Variants in DNAAF5 observed in about 807,000 individuals in gnomAD.
DNAAF5 encodes the protein HEAT repeat containing 2.
DNAAF5 carries 64 observed loss-of-function variants against 75.8 expected under a neutral mutation model. The ratio of observed to expected loss-of-function variants is 0.84; its 90% CI spans 0.69 to 1.04. The LOEUF (loss-of-function observed/expected upper bound fraction) is 1.04, where lower values mean the gene tolerates loss of function less well. Ranked by LOEUF, DNAAF5 falls within the 50% of genes least tolerant of loss-of-function variation. The pLI is 0.00. For synonymous variants in DNAAF5, 657 were observed against 557.2 expected (o/e 1.18, Z -2.52); for missense variants, 1,269 against 1,178.5 (o/e 1.08, Z -1.12).
chr7:741,833 G>A (rs1014811836), intron 4 of DNAAF5, among the ~76,000 whole-genome samples: 1 of 152,232 alleles, frequency 6.6e-6, no homozygotes, highest in Non-Finnish European at 1.5e-5. Context: ...TCTGCTGGTG[G>A]TTGGGGGGTG....
At chr7:784,027 TCC>T (rs1779069163) in intron 12 of DNAAF5, among the ~76,000 whole-genome samples, 2 of 13,900 alleles carry the variant, frequency 1.4e-4, no homozygotes, top group South Asian at 4.5e-3. Context: ...CGCCCCCACC[TCC>T]CCCACCTCCC....
At chr7:775,292 A>G in intron 11 of DNAAF5, 130 bp downstream of exon 11, 1 of 832,770 alleles carries the variant, frequency 1.2e-6, no homozygotes, top group Non-Finnish European at 1.9e-6. Flanking sequence ...GGTGGTTCAC[A>G]CCTTTAATTC....
Position 741,482 on chromosome 7 carries a change from G to T in DNAAF5, c.1024+17G>T. Reference sequence around the variant, plus strand: ...CTCCACATGGTGAGTGACCGCGGCAGAGGGGAGCGCCAGGAGGCGAGCCCT... The same window carrying T: ...CTCCACATGGTGAGTGACCGCGGCATAGGGGAGCGCCAGGAGGCGAGCCCT... On this transcript the variant is annotated intron_variant, in intron 4 of 12. Coordinates refer to ENST00000297440, the MANE Select transcript of DNAAF5 (RefSeq NM_017802.4). 7.3e-7 allele frequency: 1 copy of T among 1,374,092 alleles called. No homozygotes were observed. 85.1% of individuals were successfully genotyped at this position (1,374,092 alleles called of 1,614,324 possible).
intron 8 of DNAAF5, among the ~76,000 whole-genome samples, chr7:766,161 C>T (rs1181120715): frequency 6.6e-6 from 1 of 152,226 alleles, no homozygotes; most frequent in Non-Finnish European, 1.5e-5. Context: ...TGATTATGTT[C>T]TCTGAGCCCC....
chr7:732,904 T>C (rs1781630364), intron 2 of DNAAF5, among the ~76,000 whole-genome samples: 5 of 152,220 alleles, frequency 3.3e-5, no homozygotes, highest in Admixed American at 2.0e-4. Flanking sequence ...AGTGGTTTCA[T>C]AGTTTGAGGT....
chr7:768,662 G>A (rs1778438584), intron 8 of DNAAF5: 1 of 157,196 alleles, frequency 6.4e-6, no homozygotes, highest in Non-Finnish European at 1.4e-5. Context: ...CCGGGCAGAA[G>A]TGTCCGTGCT....
intron 7 of DNAAF5, 101 bp downstream of exon 7, chr7:761,997 T>TTGAGCCCCAGGCCTCAAACATGTC (rs71020510): frequency 0.83 from 1,101,730 of 1,325,396 alleles, 459,910 homozygotes; most frequent in South Asian, 0.9. Flanking sequence ...CCCTCTGTGC[T>TTGAGCCCCAGGCCTCAAACATGTC]TGACCAGCAA....
chr7:769,938 C>T (rs955802711), intron 8 of DNAAF5, among the ~76,000 whole-genome samples: 2 of 151,898 alleles, frequency 1.3e-5, no homozygotes, highest in South Asian at 4.2e-4. Context: ...TGAGCCACCA[C>T]GTCCAGGTTT....
At position 739,092 on chromosome 7, in the gene DNAAF5, ACGCC is replaced by A. The variant is rs1481625629; in HGVS notation, c.781-1725_781-1722del. Reference sequence around the variant, plus strand: ...GGCTGCAGTCTGGCTTGTCTCAGCCACGCCCTCTGCCCCATCACTGTATACCTGT... The same window carrying A: ...GGCTGCAGTCTGGCTTGTCTCAGCCACTCTGCCCCATCACTGTATACCTGT... On this transcript the variant is annotated intron_variant, in intron 2 of 12. Transcript: ENST00000297440. Among the ~76,000 whole-genome samples the A allele has an allele frequency of 3.3e-5, 4 of 120,532 alleles. No homozygotes were observed. In the Admixed American group the frequency reaches 3.5e-4, roughly 11 times the overall value. The allele number at this position is 120,532 out of a possible 152,430, so 79.1% of individuals were successfully genotyped here.
chr7:749,160 C>T (rs200610344), intron 4 of DNAAF5, among the ~76,000 whole-genome samples: 4 of 152,198 alleles, frequency 2.6e-5, no homozygotes, highest in East Asian at 1.9e-4. Context: ...GTCCTCAAGT[C>T]GGTCATTTCC....
intron 2 of DNAAF5, among the ~76,000 whole-genome samples, chr7:736,541 A>G (rs1296681397): frequency 1.3e-5 from 2 of 151,870 alleles, no homozygotes; most frequent in Admixed American, 6.6e-5. Context: ...CTTGCTTTCC[A>G]TTTGTATGGA....
chr7:727,219 G>A lies in DNAAF5; in HGVS notation c.499G>A (p.Ala167Thr). The change falls in exon 1 of 13, where the codon GCT becomes ACT. Residue 167 changes from alanine to threonine, a missense_variant. Ala to Thr is a moderately conservative substitution (Grantham distance 58). Coordinates refer to ENST00000297440, the MANE Select transcript of DNAAF5 (RefSeq NM_017802.4). ...GAALAPHLDD[A>T]LRALRCSLLD... is the part of the protein sequence containing the mutation. ...CGCGCTCGCGCCCCACCTGGACGAC[G>A]CTCTGCGCGCGCTGCGCTGCTCCCT... 1 of 1,349,914 alleles carries A rather than the reference G, an allele frequency of 7.4e-7. No individual in the cohort carries two copies. The highest frequency in any genetic ancestry group is 9.5e-7 in the Non-Finnish European group (1 of 1,050,220). The allele number at this position is 1,349,914 out of a possible 1,614,324, so 83.6% of individuals were successfully genotyped here.
intron 4 of DNAAF5, among the ~76,000 whole-genome samples, chr7:746,814 C>T (rs1042979719): frequency 1.3e-5 from 2 of 152,226 alleles, no homozygotes; most frequent in African/African-American, 4.8e-5. Flanking sequence ...GGCATCTCCA[C>T]CGCCCAGAAC....
chr7:785,023 C>T (rs957709483), intron 12 of DNAAF5, among the ~76,000 whole-genome samples: 5 of 152,034 alleles, frequency 3.3e-5, no homozygotes, highest in South Asian at 2.1e-4. Context: ...TTCTGACTGC[C>T]GTCCACCCGT....
intron 12 of DNAAF5, among the ~76,000 whole-genome samples, chr7:781,020 ACTTT>A (rs745691535): frequency 1.9e-4 from 29 of 152,134 alleles, no homozygotes; most frequent in Non-Finnish European, 2.9e-4. Flanking sequence ...AAACACTTAC[ACTTT>A]CTTTGTGTTA....
chr7:741,491 G>A (rs766364248), intron 4 of DNAAF5, 26 bp downstream of exon 4: 61 of 1,355,412 alleles, frequency 4.5e-5, no homozygotes, highest in Admixed American at 6.0e-5. Flanking sequence ...AGAGGGGAGC[G>A]CCAGGAGGCG....
At chr7:768,435 T>TA (rs1358530249) in intron 8 of DNAAF5, 2 of 95,104 alleles carry the variant, frequency 2.1e-5, no homozygotes, top group Non-Finnish European at 4.2e-5. Flanking sequence ...GTGCTGCGAG[T>TA]GGGCGCTCCG....
chr7:760,090 T>C (rs62432247), intron 6 of DNAAF5, among the ~76,000 whole-genome samples: 2,754 of 13,268 alleles, frequency 0.21, 118 homozygotes, highest in African/African-American at 0.37. Flanking sequence ...CCTCCAGCTC[T>C]GAGGGAGACG....
intron 11 of DNAAF5, among the ~76,000 whole-genome samples, chr7:779,260 C>T (rs1182966441): frequency 1.3e-5 from 2 of 152,144 alleles, no homozygotes; most frequent in Non-Finnish European, 2.9e-5. Flanking sequence ...CCCCTCCCAG[C>T]GTCGGGAAGA....
Sources: allele counts gnomAD v4.1 joint callset (sites outside exome capture counted in the v4.1 genomes callset), GRCh38; gene constraint gnomAD v4.1.1; transcripts MANE v1.5; gene names NCBI Gene and HGNC (gene_info 2026-07-23, HGNC 2026-07-21).